DLC1: variants seen among roughly 807,000 people sequenced by gnomAD.
DLC1 encodes the protein DLC1 Rho GTPase activating protein.
In DLC1, 54 loss-of-function variants were observed where a neutral mutation model predicts 140.3. The observed-to-expected ratio is 0.38, with a 90% CI of 0.31 to 0.48. The LOEUF is 0.48. Among genes scored for constraint, DLC1 ranks in the 20% least tolerant of loss-of-function variants. The probability of loss-of-function intolerance (pLI) is 0.96; values close to 1 mark genes in which losing one functional copy is unlikely to be tolerated. For missense variants in DLC1, 2,536 were observed against 1,907.0 expected (o/e 1.33, Z -6.14); for synonymous variants, 986 against 728.1 (o/e 1.35, Z -5.70).
intron 5 of DLC1, among the ~76,000 whole-genome samples, chr8:13,202,091 G>A (rs1013736274): frequency 6.6e-6 from 1 of 151,666 alleles, no homozygotes; most frequent in African/African-American, 2.4e-5. Flanking sequence ...GACTACCAGT[G>A]CGCGCCAAAA....
chr8:13,422,731 G>C (rs1838375465), intron 2 of DLC1, among the ~76,000 whole-genome samples: 1 of 151,600 alleles, frequency 6.6e-6, no homozygotes, highest in South Asian at 2.1e-4. Flanking sequence ...GTATACACAA[G>C]AGATAAATAA....
chr8:13,285,413 C>T (rs1303411868), intron 5 of DLC1, among the ~76,000 whole-genome samples: 1 of 152,214 alleles, frequency 6.6e-6, no homozygotes, highest in African/African-American at 2.4e-5. Flanking sequence ...GAACATAGAC[C>T]ACAGACCTAA....
At chr8:13,270,690 GAT>G (rs1245832117) in intron 5 of DLC1, among the ~76,000 whole-genome samples, 2 of 152,160 alleles carry the variant, frequency 1.3e-5, no homozygotes, top group East Asian at 3.9e-4. Context: ...TCTCTCCAGA[GAT>G]ACAGAAATCT....
At chr8:13,448,664 A>G (rs1798909016) in intron 2 of DLC1, among the ~76,000 whole-genome samples, 1 of 151,988 alleles carries the variant, frequency 6.6e-6, no homozygotes, top group South Asian at 2.1e-4. Context: ...CAGCCTCCTA[A>G]AATTTCTTTT....
rs1800860395 is a variant in DLC1, at chr8:13,484,079, C to A, written c.1023+14970G>T. Among the ~76,000 whole-genome samples, 3 of 151,830 alleles carry A rather than the reference C, an allele frequency of 2.0e-5. No individual in the cohort carries two copies. In the South Asian group the frequency reaches 6.2e-4, roughly 32 times the overall value. On this transcript the variant is annotated intron_variant, in intron 2 of 17. Coordinates refer to ENST00000276297, the MANE Select transcript of DLC1 (RefSeq NM_182643.3). Reference sequence around the variant, plus strand: ...TGGGCAACAGAGTGAGACTCTGTCTCAAAATAAATAAACAAGTAAATAATG... The same window carrying A: ...TGGGCAACAGAGTGAGACTCTGTCTAAAAATAAATAAACAAGTAAATAATG...
chr8:13,422,101 G>A (rs1054504617), intron 2 of DLC1, among the ~76,000 whole-genome samples: 1 of 152,062 alleles, frequency 6.6e-6, no homozygotes, highest in African/African-American at 2.4e-5. Context: ...GAGTCAGAGA[G>A]CTTAAGAAAA....
At chr8:13,384,746 GCTGT>G (rs1317374920) in intron 4 of DLC1, among the ~76,000 whole-genome samples, 2 of 152,098 alleles carry the variant, frequency 1.3e-5, no homozygotes, top group Non-Finnish European at 2.9e-5. Flanking sequence ...TCTGGTGTCT[GCTGT>G]CTTTTACATT....
intron 2 of DLC1, among the ~76,000 whole-genome samples, chr8:13,433,017 A>T (rs1838957093): frequency 6.9e-6 from 1 of 143,976 alleles, no homozygotes; most frequent in African/African-American, 2.6e-5. Context: ...TGAAGAAAAG[A>T]GTCAGTTTGG....
At chr8:13,375,387 A>T (rs930204125) in intron 4 of DLC1, among the ~76,000 whole-genome samples, 4 of 152,184 alleles carry the variant, frequency 2.6e-5, no homozygotes, top group Non-Finnish European at 4.4e-5. Flanking sequence ...GAAGTTGCTT[A>T]TGAGCTTAAG....
In DLC1 at chr8:13,499,616, G is replaced by A. The variant is rs527472424; in HGVS notation, c.456C>T (p.Pro152=). 3 of 1,614,120 alleles carry A rather than the reference G, an allele frequency of 1.9e-6. No homozygotes were observed. In the African/African-American group the frequency reaches 4.0e-5, roughly 22 times the overall value. Residue 152 remains proline (P), a synonymous_variant, in exon 2 of 18, where the codon CCC becomes CCT. Transcript: ENST00000276297. ...QGAGSLEKAL[P]IIQSNQVSSN... Reference sequence around the variant, plus strand: ...AAGAAACTTGGTTACTTTGTATGATGGGCAGTGCCTTTTCTAAGGAGCCTG... The same window carrying A: ...AAGAAACTTGGTTACTTTGTATGATAGGCAGTGCCTTTTCTAAGGAGCCTG...
chr8:13,497,009 C>G lies in DLC1; in HGVS notation c.1023+2040G>C, dbSNP rs182567478. Among the ~76,000 whole-genome samples the G allele has an allele frequency of 5.3e-3, 805 of 151,846 alleles. 7 individuals are homozygous for G. The highest frequency in any genetic ancestry group is 0.018 in the African/African-American group (752 of 41,426). Reference sequence around the variant, plus strand: ...TAGAGACAGGGTTTCACCATGTTAGCCGGGATGGTCTCGATCTCCTGACCT... The same window carrying G: ...TAGAGACAGGGTTTCACCATGTTAGGCGGGATGGTCTCGATCTCCTGACCT... On this transcript the variant is annotated intron_variant, in intron 2 of 17. Coordinates refer to ENST00000276297, the MANE Select transcript of DLC1 (RefSeq NM_182643.3).
chr8:13,109,033 TAA>T (rs1819830139), intron 7 of DLC1, among the ~76,000 whole-genome samples: 2 of 152,222 alleles, frequency 1.3e-5, no homozygotes, highest in Admixed American at 6.5e-5. Flanking sequence ...TTTCTGTGGT[TAA>T]GAGGACTGTT....
chr8:13,129,631 T>C (rs567811154), intron 5 of DLC1, among the ~76,000 whole-genome samples: 14 of 152,330 alleles, frequency 9.2e-5, no homozygotes, highest in East Asian at 3.9e-4. Context: ...ATTCAAATCA[T>C]TGGACTGTGC....
chr8:13,180,227 C>T (rs185377690), intron 5 of DLC1, among the ~76,000 whole-genome samples: 5 of 152,248 alleles, frequency 3.3e-5, no homozygotes, highest in African/African-American at 9.6e-5. Flanking sequence ...CATTGTGTTT[C>T]GTCTTTACTG....
rs1189736839 is a variant in DLC1 at position 13,499,898 on chromosome 8, A to G, written c.174T>C (p.Cys58=). 1.2e-6 allele frequency: 2 copies of G among 1,613,968 alleles called. No homozygotes were observed. The highest frequency in any genetic ancestry group is 2.2e-5 in the East Asian group (1 of 44,886). The change falls in exon 2 of 18, where the codon TGT becomes TGC. Residue 58 remains cysteine (C), a synonymous_variant. Transcript: ENST00000276297. ...CATGACAGCAGTCAGGTAGTGAAAC[A>G]CACTTCTCTTTGCGGTCCACATTTA... The part of the protein sequence containing the change: ...ATLNVDRKEK[C]VSLPDCCHGS...
chr8:13,155,346 C>A (rs1453062714), intron 5 of DLC1, among the ~76,000 whole-genome samples: 1 of 143,734 alleles, frequency 7.0e-6, no homozygotes, highest in African/African-American at 2.5e-5. Flanking sequence ...ACAAAACCAC[C>A]TCCACCAAAA....
chr8:13,553,857 C>G (rs11782548), intron 1 of DLC1, among the ~76,000 whole-genome samples: 1 of 151,954 alleles, frequency 6.6e-6, no homozygotes, highest in East Asian at 1.9e-4. Context: ...TTATCTTACT[C>G]GAGGACATTT....
intron 4 of DLC1, among the ~76,000 whole-genome samples, chr8:13,369,633 GT>G (rs886823368): frequency 6.6e-6 from 1 of 151,890 alleles, no homozygotes; most frequent in Non-Finnish European, 1.5e-5. Context: ...CAGAACCCCT[GT>G]TTTTTTCTCC....
At chr8:13,412,977 C>T (rs1837856108) in intron 2 of DLC1, among the ~76,000 whole-genome samples, 2 of 151,036 alleles carry the variant, frequency 1.3e-5, no homozygotes, top group South Asian at 4.2e-4. Context: ...TGGATGCACC[C>T]ATGTGCTAGG....
Sources: allele counts gnomAD v4.1 joint callset (sites outside exome capture counted in the v4.1 genomes callset), GRCh38; gene constraint gnomAD v4.1.1; transcripts MANE v1.5; gene names NCBI Gene and HGNC (gene_info 2026-07-23, HGNC 2026-07-21).